Variants in RALGAPA2 observed in about 807,000 individuals in gnomAD.
RALGAPA2 encodes the protein ral GTPase-activating protein subunit alpha-2.
A neutral mutation model predicts 230.4 loss-of-function variants in RALGAPA2; 139 were observed. That is an observed-to-expected ratio of 0.60 (90% CI 0.53 to 0.69). The LOEUF is 0.69. Among genes scored for constraint, RALGAPA2 ranks in the 30% least tolerant of loss-of-function variants. The probability of loss-of-function intolerance (pLI) is 0.00; values close to 1 mark genes in which losing one functional copy is unlikely to be tolerated. For synonymous variants in RALGAPA2, 847 were observed against 837.8 expected, an observed-to-expected ratio of 1.01 and a Z score of -0.19; for missense variants, 2,163 against 2,276.0, an observed-to-expected ratio of 0.95 and a Z score of 1.01.
At chr20:20,640,988 G>T in intron 5 of RALGAPA2, 110 bp from the exon 6 acceptor site, 1 of 942,610 alleles carries the variant, frequency 1.1e-6, no homozygotes, top group Non-Finnish European at 1.6e-6. Flanking sequence ...GGTGTGTTAA[G>T]TAGTAAACCA....
At chr20:20,479,079 C>G (rs906545590) in intron 36 of RALGAPA2, among the ~76,000 whole-genome samples, 4 of 151,910 alleles carry the variant, frequency 2.6e-5, no homozygotes, top group African/African-American at 9.7e-5. Context: ...TTAGCAAACA[C>G]AGACACAAGA....
chr20:20,627,005 T>C (rs1435617415), intron 10 of RALGAPA2, among the ~76,000 whole-genome samples: 1 of 152,200 alleles, frequency 6.6e-6, no homozygotes, highest in East Asian at 1.9e-4. Context: ...GCTATGGACC[T>C]TTCACATGTA....
At chr20:20,654,473 G>A (rs1213270402) in intron 3 of RALGAPA2, among the ~76,000 whole-genome samples, 1 of 152,156 alleles carries the variant, frequency 6.6e-6, no homozygotes, top group Non-Finnish European at 1.5e-5. Context: ...TACAGGCGTG[G>A]GCCACCACGT....
chr20:20,426,457 A>G (rs893249172), intron 37 of RALGAPA2, among the ~76,000 whole-genome samples: 1 of 152,182 alleles, frequency 6.6e-6, no homozygotes, highest in Admixed American at 6.5e-5. Flanking sequence ...ATGAAGGTCT[A>G]CGTGTTTGAG....
intron 20 of RALGAPA2, among the ~76,000 whole-genome samples, chr20:20,581,531 T>C (rs951030251): frequency 2.0e-5 from 3 of 152,198 alleles, no homozygotes; most frequent in African/African-American, 4.8e-5. Context: ...ACACTCCAGC[T>C]TGATAACAAT....
At chr20:20,636,276 A>G (rs961245766) in intron 8 of RALGAPA2, among the ~76,000 whole-genome samples, 3 of 152,236 alleles carry the variant, frequency 2.0e-5, no homozygotes, top group South Asian at 2.1e-4. Flanking sequence ...ACTACTTGCC[A>G]TAAGTTCAAC....
chr20:20,492,516 C>CTTA (rs1427083112), intron 36 of RALGAPA2, among the ~76,000 whole-genome samples: 2 of 152,152 alleles, frequency 1.3e-5, no homozygotes, highest in Admixed American at 6.5e-5. Context: ...CCTTCCCTTC[C>CTTA]ACAGTAAGGA....
At chr20:20,552,758 G>A (rs1357645544) in intron 23 of RALGAPA2, among the ~76,000 whole-genome samples, 2 of 152,114 alleles carry the variant, frequency 1.3e-5, no homozygotes, top group African/African-American at 2.4e-5. Flanking sequence ...GCTGAGTGAC[G>A]AGAAATTTTT....
intron 10 of RALGAPA2, among the ~76,000 whole-genome samples, chr20:20,628,036 G>A (rs908796340): frequency 9.8e-5 from 15 of 152,306 alleles, no homozygotes; most frequent in African/African-American, 2.9e-4. Flanking sequence ...AACCAAGGCA[G>A]TGCCGGGCCA....
At chr20:20,626,314 G>A (rs896042218) in intron 10 of RALGAPA2, among the ~76,000 whole-genome samples, 1 of 152,148 alleles carries the variant, frequency 6.6e-6, no homozygotes, top group African/African-American at 2.4e-5. Context: ...TTCTATTTCA[G>A]TATTTTAACA....
At chr20:20,411,339 G>A (rs1439992010) in intron 38 of RALGAPA2, among the ~76,000 whole-genome samples, 1 of 152,068 alleles carries the variant, frequency 6.6e-6, no homozygotes, top group Non-Finnish European at 1.5e-5. Context: ...TGTTTAAGTG[G>A]CAATACATGT....
intron 36 of RALGAPA2, among the ~76,000 whole-genome samples, chr20:20,490,931 C>T (rs897937995): frequency 6.6e-6 from 1 of 151,474 alleles, no homozygotes; most frequent in Non-Finnish European, 1.5e-5. Context: ...GCTGAACCTT[C>T]AAGAGAGCCA....
At chr20:20,514,896 T>G (rs1208930131) in intron 31 of RALGAPA2, among the ~76,000 whole-genome samples, 2 of 152,236 alleles carry the variant, frequency 1.3e-5, no homozygotes, top group South Asian at 4.1e-4. Context: ...GGTGCCCCTC[T>G]GCCTGTGCAG....
chr20:20,556,894 C>T (rs979591307), intron 23 of RALGAPA2, among the ~76,000 whole-genome samples: 4 of 152,206 alleles, frequency 2.6e-5, no homozygotes, highest in Non-Finnish European at 5.9e-5. Flanking sequence ...AGGTGCCCAA[C>T]TGCTTGTCTT....
intron 37 of RALGAPA2, among the ~76,000 whole-genome samples, chr20:20,452,283 T>C (rs1428368835): frequency 6.6e-6 from 1 of 152,202 alleles, no homozygotes; most frequent in Non-Finnish European, 1.5e-5. Flanking sequence ...AAAGTCACCA[T>C]TGTAGAGCTT....
chr20:20,699,591 A>G (rs986704237), intron 1 of RALGAPA2, among the ~76,000 whole-genome samples: 2 of 152,330 alleles, frequency 1.3e-5, no homozygotes, highest in East Asian at 3.9e-4. Flanking sequence ...TGAAAACACT[A>G]TCAAAGATTT....
intron 1 of RALGAPA2, among the ~76,000 whole-genome samples, chr20:20,707,558 T>TA (rs2069655110): frequency 6.6e-6 from 1 of 152,170 alleles, no homozygotes; most frequent in Admixed American, 6.5e-5. Context: ...AGACAACAGT[T>TA]ACAACTGTAA....
At chr20:20,643,466 A>G in intron 5 of RALGAPA2, 40 bp downstream of exon 5, 1 of 1,445,260 alleles carries the variant, frequency 6.9e-7, no homozygotes, top group South Asian at 1.3e-5. Flanking sequence ...TAACAAATTT[A>G]AGAGTAATAA....
intron 37 of RALGAPA2, among the ~76,000 whole-genome samples, chr20:20,445,190 A>G (rs529041731): frequency 6.6e-6 from 1 of 152,238 alleles, no homozygotes; most frequent in Non-Finnish European, 1.5e-5. Flanking sequence ...GGTTTCAGGC[A>G]TCCACTGGGC....
Sources: allele counts gnomAD v4.1 joint callset (sites outside exome capture counted in the v4.1 genomes callset), GRCh38; gene constraint gnomAD v4.1.1; transcripts MANE v1.5; gene names NCBI Gene and HGNC (gene_info 2026-07-23, HGNC 2026-07-21).